The following TAS2R1 variants were observed in gnomAD, a reference collection of about 807,000 sequenced individuals.
TAS2R1 encodes the protein taste 2 receptor member 1, also known as taste receptor type 2 member 1.
For missense variants in TAS2R1, 370 were observed against 353.4 expected (o/e 1.05, Z -0.38); for synonymous variants, 141 against 134.2 (o/e 1.05, Z -0.35).
chr5:9,676,828 C>T (rs191641360), intron 1 of TAS2R1, among the ~76,000 whole-genome samples: 13 of 152,124 alleles, frequency 8.5e-5, no homozygotes, highest in East Asian at 5.8e-4. Context: ...TTAGTTCAGC[C>T]ATTATGGAAG....
At chr5:9,653,585 CA>C (rs1431109594) in intron 2 of TAS2R1, among the ~76,000 whole-genome samples, 11 of 152,118 alleles carry the variant, frequency 7.2e-5, no homozygotes, top group African/African-American at 2.7e-4. Context: ...TTTGAGGAAT[CA>C]TCACTATACG....
chr5:9,649,810 GACAA>G lies in TAS2R1; in HGVS notation c.-81+9607_-81+9610del, dbSNP rs534246325. On this transcript the variant is annotated intron_variant, in intron 2 of 2. Coordinates refer to the TAS2R1 transcript ENST00000506620. ...AAAATTTTATTAAAGTTAGATTCAT[GACAA>G]ACAGATGAGTTAATATCTGTCATTT... Among the ~76,000 whole-genome samples, 4 of 152,288 alleles carry G rather than the reference GACAA, an allele frequency of 2.6e-5. No individual in the cohort carries two copies. In the South Asian group the frequency reaches 8.3e-4, roughly 32 times the overall value.
chr5:9,819,905 C>T, the TAS2R1 span, among the ~76,000 whole-genome samples: 3 of 151,918 alleles, frequency 2.0e-5, no homozygotes, highest in Admixed American at 6.6e-5. Flanking sequence ...GCAAAAAAAG[C>T]GTACTGCACA....
chr5:9,735,910 G>C, the TAS2R1 span, among the ~76,000 whole-genome samples: 16 of 152,172 alleles, frequency 1.1e-4, no homozygotes, highest in Non-Finnish European at 2.1e-4. Context: ...CTTCTCCAGT[G>C]GGTGACAGAA....
the TAS2R1 span, among the ~76,000 whole-genome samples, chr5:9,799,941 C>G: frequency 1.6e-4 from 24 of 152,312 alleles, no homozygotes; most frequent in African/African-American, 5.5e-4. Context: ...ATCCCACAAG[C>G]ATTTTTGAAT....
At chr5:9,810,900 C>T in the TAS2R1 span, among the ~76,000 whole-genome samples, 3 of 152,262 alleles carry the variant, frequency 2.0e-5, no homozygotes, top group African/African-American at 7.2e-5. Flanking sequence ...CCAGAGAAAG[C>T]TCCTATCTGT....
chr5:9,715,137 C>T (rs563707149), upstream of TAS2R1, among the ~76,000 whole-genome samples: 1 of 152,314 alleles, frequency 6.6e-6, no homozygotes, highest in South Asian at 2.1e-4. Flanking sequence ...CCCAGCACAG[C>T]CAGTGCACTA....
At chr5:9,803,724 C>T in the TAS2R1 span, among the ~76,000 whole-genome samples, 1 of 152,254 alleles carries the variant, frequency 6.6e-6, no homozygotes, top group East Asian at 1.9e-4. Context: ...GCCACCACTA[C>T]AAGAATTGCT....
At position 9,645,922 on chromosome 5, in the gene TAS2R1, A is replaced by G. The variant is rs1052866139; in HGVS notation, c.-81+13499T>C. Among the ~76,000 whole-genome samples the G allele has an allele frequency of 3.9e-5, 6 of 152,112 alleles. No individual in the cohort carries two copies. In the South Asian group the frequency reaches 1.2e-3, roughly 31 times the overall value. ...GCCTTGACATTTAAATGAACCCACAAATTCTCAGTTGTTACTGAAGTGGGC... is the reference window on the plus strand; with the variant it reads ...GCCTTGACATTTAAATGAACCCACAGATTCTCAGTTGTTACTGAAGTGGGC... On this transcript the variant is annotated intron_variant, in intron 2 of 2. Coordinates refer to the TAS2R1 transcript ENST00000506620.
chr5:9,817,937 ACT>A, the TAS2R1 span, among the ~76,000 whole-genome samples: 1 of 151,980 alleles, frequency 6.6e-6, no homozygotes, highest in Non-Finnish European at 1.5e-5. Context: ...TCCCATGAGA[ACT>A]CACTCACCAT....
chr5:9,809,337 C>T, the TAS2R1 span, among the ~76,000 whole-genome samples: 1 of 151,962 alleles, frequency 6.6e-6, no homozygotes, highest in African/African-American at 2.4e-5. Context: ...ATTTGTGTTC[C>T]CTCAAAATTC....
At position 9,630,041 on chromosome 5, in the gene TAS2R1, T is replaced by C. The variant is rs764037883; in HGVS notation, c.-9A>G. On this transcript the variant is annotated 5_prime_UTR_variant, in exon 1 of 1. Coordinates refer to ENST00000382492, the MANE Select transcript of TAS2R1 (RefSeq NM_019599.3). ...AGGTGAGACTCTAGCATTTTAGGAA[T>C]AAAAAATTATTTACTTAAAAAATAA... 3.2e-6 allele frequency: 5 copies of C among 1,538,686 alleles called. No homozygotes were observed. Among genetic ancestry groups the C allele is most frequent in the Non-Finnish European group, 4.4e-6 (5 of 1,147,454 alleles).
At chr5:9,863,316 G>A in the TAS2R1 span, among the ~76,000 whole-genome samples, 1 of 144,536 alleles carries the variant, frequency 6.9e-6, no homozygotes, top group Admixed American at 7.1e-5. Context: ...CGCCCAGACT[G>A]GAGTGCAGTA....
At position 9,711,977 on chromosome 5, in the gene TAS2R1, G is replaced by A. The variant is rs1267440212; in HGVS notation, c.-242+195C>T. 2.9e-5 allele frequency among the ~76,000 whole-genome samples: 3 copies of A among 104,870 alleles called. No individual in the cohort carries two copies. In the South Asian group the frequency reaches 1.0e-3, roughly 36 times the overall value. 68.8% of individuals were successfully genotyped at this position (104,870 alleles called of 152,430 possible). A position where few individuals can be genotyped will look rare whatever the true frequency, so the allele number is the denominator to read the frequency against. On this transcript the variant is annotated intron_variant, in intron 1 of 2. Coordinates refer to the TAS2R1 transcript ENST00000506620. ...CACTGTGCCCAGCCTTATGTTCAAC[G>A]TTTTTTTTTTTTCACCACAACAAAA...
chr5:9,797,613 G>T, the TAS2R1 span, among the ~76,000 whole-genome samples: 1 of 152,080 alleles, frequency 6.6e-6, no homozygotes. Flanking sequence ...GATGCCACCG[G>T]TGATTCTGCA....
At chr5:9,819,230 A>G in the TAS2R1 span, among the ~76,000 whole-genome samples, 1 of 152,282 alleles carries the variant, frequency 6.6e-6, no homozygotes, top group South Asian at 2.1e-4. Flanking sequence ...AGACTCCTCA[A>G]TGAGTCTAAG....
the TAS2R1 span, among the ~76,000 whole-genome samples, chr5:9,894,288 C>A: frequency 1.2e-4 from 19 of 152,218 alleles, no homozygotes; most frequent in South Asian, 3.9e-3. Flanking sequence ...CCTGTAATCC[C>A]AGCTACTCGG....
At chr5:9,794,475 T>C in the TAS2R1 span, among the ~76,000 whole-genome samples, 24 of 152,326 alleles carry the variant, frequency 1.6e-4, no homozygotes, top group South Asian at 2.1e-3. Context: ...ATTTGTTCAA[T>C]TGATGAGTTA....
chr5:9,899,329 C>G, the TAS2R1 span, among the ~76,000 whole-genome samples: 23 of 152,064 alleles, frequency 1.5e-4, no homozygotes, highest in Non-Finnish European at 2.9e-4. Flanking sequence ...TCAATTTGAA[C>G]ACAAGACAGC....
Sources: allele counts gnomAD v4.1 joint callset (sites outside exome capture counted in the v4.1 genomes callset), GRCh38; gene constraint gnomAD v4.1.1; transcripts MANE v1.5; gene names NCBI Gene and HGNC (gene_info 2026-07-23, HGNC 2026-07-21).